TEX11: variants seen among roughly 807,000 people sequenced by gnomAD.
TEX11 encodes testis expressed 11.
In TEX11, 7 loss-of-function variants were observed where a neutral mutation model predicts 84.4. That is an observed-to-expected ratio of 0.08 (90% CI 0.05 to 0.16). The LOEUF is 0.16. Ranked by LOEUF, TEX11 falls within the 10% of genes least tolerant of loss-of-function variation. The pLI is 1.00. For missense variants in TEX11, 551 were observed against 660.5 expected, an observed-to-expected ratio of 0.83 and a Z score of 1.82; for synonymous variants, 264 against 222.8, an observed-to-expected ratio of 1.18 and a Z score of -1.64.
At chrX:70,755,608 A>G (rs1213436906) in intron 9 of TEX11, among the ~76,000 whole-genome samples, 1 of 112,235 alleles carries the variant, frequency 8.9e-6, no homozygotes, top group African/African-American at 3.2e-5. Context: ...TAGAAAGTTT[A>G]TTCAAAGTGG....
chrX:70,747,568 A>C (rs898884121), intron 9 of TEX11, among the ~76,000 whole-genome samples: 3 of 112,021 alleles, frequency 2.7e-5, no homozygotes, highest in African/African-American at 9.7e-5. Context: ...ACAGAAGAAA[A>C]AAAGCAAAAG....
intron 9 of TEX11, among the ~76,000 whole-genome samples, chrX:70,751,327 T>C (rs1569429279): frequency 9.3e-6 from 1 of 107,421 alleles, no homozygotes; most frequent in Non-Finnish European, 1.9e-5. Flanking sequence ...GTTCATGTCC[T>C]TTGTAGGGAC....
intron 11 of TEX11, among the ~76,000 whole-genome samples, chrX:70,731,740 T>C (rs1420947204): frequency 2.2e-5 from 2 of 89,676 alleles, no homozygotes; most frequent in Admixed American, 1.2e-4. Context: ...GAGGAGCTGG[T>C]ACCATTCCTT....
intron 8 of TEX11, among the ~76,000 whole-genome samples, chrX:70,814,486 G>T (rs1445481404): frequency 8.9e-6 from 1 of 112,635 alleles, no homozygotes; most frequent in African/African-American, 3.2e-5. Flanking sequence ...ATAATAGGCA[G>T]AAAACTGAGT....
chrX:70,762,687 C>T (rs1042153681), intron 9 of TEX11, among the ~76,000 whole-genome samples: 8 of 111,396 alleles, frequency 7.2e-5, no homozygotes, highest in Non-Finnish European at 1.5e-4. Context: ...GAAAAACTGT[C>T]TTCCACGAAA....
At chrX:70,637,602 TC>T (rs201259939) in intron 17 of TEX11, among the ~76,000 whole-genome samples, 10,302 of 111,843 alleles carry the variant, frequency 0.092, 1,043 homozygotes, top group African/African-American at 0.29. Context: ...CAAGACCACG[TC>T]CTTTGCAGGG....
At chrX:70,719,387 A>G (rs2090535866) in intron 13 of TEX11, among the ~76,000 whole-genome samples, 1 of 112,123 alleles carries the variant, frequency 8.9e-6, no homozygotes, top group Non-Finnish European at 1.9e-5. Flanking sequence ...CACAGGCACT[A>G]TGTTCAAAAG....
intron 13 of TEX11, among the ~76,000 whole-genome samples, chrX:70,705,337 T>G (rs1343286399): frequency 8.9e-6 from 1 of 111,754 alleles, no homozygotes; most frequent in Non-Finnish European, 1.9e-5. Flanking sequence ...GTGAAGAAAG[T>G]CACTGGTAGC....
intron 11 of TEX11, among the ~76,000 whole-genome samples, chrX:70,738,430 A>ATGTCATT (rs2147742514): frequency 8.9e-6 from 1 of 112,372 alleles, no homozygotes; most frequent in Non-Finnish European, 1.9e-5. Flanking sequence ...AATGACAATT[A>ATGTCATT]TTAAAAAGTC....
intron 10 of TEX11, among the ~76,000 whole-genome samples, chrX:70,743,251 T>C (rs769201305): frequency 4.5e-5 from 5 of 112,274 alleles, no homozygotes; most frequent in African/African-American, 1.6e-4. Context: ...TAATATTTCA[T>C]TGTAGTCACT....
intron 25 of TEX11, among the ~76,000 whole-genome samples, chrX:70,557,174 A>T (rs2088297409): frequency 9.1e-6 from 1 of 110,288 alleles, no homozygotes; most frequent in Non-Finnish European, 1.9e-5. Flanking sequence ...AATACTTAGA[A>T]ATAAAGAACA....
chrX:70,573,861 T>G (rs2088637779), intron 25 of TEX11, among the ~76,000 whole-genome samples: 1 of 111,417 alleles, frequency 9.0e-6, no homozygotes, highest in Non-Finnish European at 1.9e-5. Context: ...GATAATCCTC[T>G]GCTCTGCCAG....
At chrX:70,713,150 C>A (rs757465700) in intron 13 of TEX11, among the ~76,000 whole-genome samples, 214 of 111,744 alleles carry the variant, frequency 1.9e-3, no homozygotes, top group African/African-American at 6.5e-3. Flanking sequence ...CCCACTTGAT[C>A]ATGGTGGAGA....
At chrX:70,864,727 GC>G (rs1306634067) in intron 4 of TEX11, among the ~76,000 whole-genome samples, 1 of 95,570 alleles carries the variant, frequency 1.0e-5, no homozygotes, top group Admixed American at 1.2e-4. Flanking sequence ...GGGTGACAGA[GC>G]GAGATGCCAT....
intron 4 of TEX11, among the ~76,000 whole-genome samples, chrX:70,864,315 T>C (rs1402914120): frequency 3.6e-5 from 4 of 110,564 alleles, no homozygotes; most frequent in East Asian, 2.8e-4. Flanking sequence ...AAAGAAAACA[T>C]ATTAAGGGCA....
At chrX:70,570,172 C>A (rs1169008980) in intron 25 of TEX11, among the ~76,000 whole-genome samples, 3 of 112,013 alleles carry the variant, frequency 2.7e-5, no homozygotes, top group African/African-American at 9.7e-5. Flanking sequence ...GCTGTGCTAT[C>A]AATCAGTGAG....
chrX:70,791,467 G>A (rs1383346268), intron 9 of TEX11, among the ~76,000 whole-genome samples: 3 of 112,069 alleles, frequency 2.7e-5, no homozygotes, highest in Admixed American at 1.9e-4. Flanking sequence ...GAAAACTTAT[G>A]AGGAAATTCT....
chrX:70,718,914 A>C (rs1765926835), intron 13 of TEX11, among the ~76,000 whole-genome samples: 1 of 111,686 alleles, frequency 9.0e-6, no homozygotes, highest in African/African-American at 3.3e-5. Context: ...ATCTAGGCCA[A>C]CTTCTCCCAT....
intron 8 of TEX11, among the ~76,000 whole-genome samples, chrX:70,817,861 C>T (rs999915331): frequency 1.1e-4 from 12 of 111,271 alleles, no homozygotes; most frequent in African/African-American, 2.6e-4. Context: ...TTATTGTGCC[C>T]GAAAGGAATG....
Sources: gnomAD v4.1 joint callset for allele counts (sites outside exome capture counted in the v4.1 genomes callset) on GRCh38, gnomAD v4.1.1 for gene constraint, MANE v1.5 for transcripts, NCBI Gene and HGNC (gene_info 2026-07-23, HGNC 2026-07-21) for gene names.